Variants in NRXN3 observed in about 807,000 individuals in gnomAD.
NRXN3 encodes the protein neurexin III.
Under a neutral mutation model 137.6 loss-of-function variants are expected in NRXN3, and 32 were observed. The ratio of observed to expected loss-of-function variants is 0.23; its 90% confidence interval spans 0.18 to 0.31. NRXN3 has a LOEUF of 0.31. Ranked by LOEUF, NRXN3 falls within the 10% of genes least tolerant of loss-of-function variation. The pLI, the probability that NRXN3 is intolerant of heterozygous loss-of-function variation, is 1.00. For missense variants in NRXN3, 1,574 were observed against 2,062.5 expected (o/e 0.76, Z 4.59); for synonymous variants, 798 against 784.5 (o/e 1.02, Z -0.29).
intron 14 of NRXN3, among the ~76,000 whole-genome samples, chr14:78,986,329 A>G (rs1567904709): frequency 6.6e-6 from 1 of 152,194 alleles, no homozygotes; most frequent in Non-Finnish European, 1.5e-5. Flanking sequence ...TATACTGAAT[A>G]TTAAGATATT....
chr14:79,498,304 A>G (rs1483363520), intron 16 of NRXN3, among the ~76,000 whole-genome samples: 2 of 152,088 alleles, frequency 1.3e-5, no homozygotes, highest in African/African-American at 2.4e-5. Context: ...GGTAGATGCT[A>G]TTATCGAGGA....
rs10138318 is a variant in NRXN3 at position 79,783,860 on chromosome 14, C to T, written c.4015-21252C>T. ...CTTTCTGTGACCTTTTTGATTTTGC[C>T]TCTTTAGTAATCTCCTCACTGCCCT... is the stretch of plus-strand genomic sequence containing the variant. On this transcript the variant is annotated intron_variant, in intron 19 of 20. Coordinates refer to ENST00000335750, the MANE Select transcript of NRXN3 (RefSeq NM_001330195.2). 3.2e-3 allele frequency among the ~76,000 whole-genome samples: 482 copies of T among 152,094 alleles called. 1 individual carries two copies. The highest frequency in any genetic ancestry group is 0.011 in the African/African-American group (463 of 41,520).
intron 4 of NRXN3, among the ~76,000 whole-genome samples, chr14:78,442,594 G>C (rs2094295887): frequency 1.3e-5 from 2 of 152,214 alleles, no homozygotes; most frequent in Admixed American, 6.5e-5. Flanking sequence ...TTCTCTGAAA[G>C]GGAAGACAGG....
intron 2 of NRXN3, among the ~76,000 whole-genome samples, chr14:78,270,976 G>A (rs1476732210): frequency 6.6e-6 from 1 of 152,188 alleles, no homozygotes; most frequent in African/African-American, 2.4e-5. Flanking sequence ...TCTCAAACTT[G>A]TACCAGCAAC....
At position 78,308,103 on chromosome 14, in the gene NRXN3, T is replaced by A. The variant is rs181896357; in HGVS notation, c.757+10243T>A. 6.0e-3 allele frequency among the ~76,000 whole-genome samples: 916 copies of A among 151,964 alleles called. 10 individuals are homozygous for A. The highest frequency in any genetic ancestry group is 0.02 in the African/African-American group (811 of 41,446). On this transcript the variant is annotated intron_variant, in intron 4 of 20. Coordinates refer to ENST00000335750, the MANE Select transcript of NRXN3 (RefSeq NM_001330195.2). ...TAATAACATTTTCTTGTTTTTTTTT[T>A]ATGAATATAGAGAATTTAAAAAATT...
At chr14:78,666,042 G>C (rs1248033660) in intron 6 of NRXN3, among the ~76,000 whole-genome samples, 6 of 151,784 alleles carry the variant, frequency 4.0e-5, no homozygotes, top group Non-Finnish European at 8.8e-5. Flanking sequence ...TTCAACTTCC[G>C]AATTACTCAG....
chr14:79,679,087 G>T, intron 17 of NRXN3, among the ~76,000 whole-genome samples: 1 of 148,996 alleles, frequency 6.7e-6, no homozygotes. Flanking sequence ...TTATTATTAG[G>T]GTTGTCAGTT....
At chr14:79,635,185 C>T (rs2098394465) in intron 16 of NRXN3, among the ~76,000 whole-genome samples, 2 of 152,108 alleles carry the variant, frequency 1.3e-5, no homozygotes, top group African/African-American at 2.4e-5. Context: ...CATTGTACCC[C>T]ATAAGTATGC....
At chr14:78,651,111 T>G in intron 5 of NRXN3, 54 bp from the exon 6 acceptor site, 2 of 1,546,754 alleles carry the variant, frequency 1.3e-6, no homozygotes, top group Admixed American at 3.5e-5. Context: ...TGGGTTATGA[T>G]AGGATCGTAA....
chr14:79,509,567 A>G (rs1384432165), intron 16 of NRXN3, among the ~76,000 whole-genome samples: 1 of 151,002 alleles, frequency 6.6e-6, no homozygotes, highest in East Asian at 1.9e-4. Flanking sequence ...GCATGTATGT[A>G]TATATATATG....
chr14:78,615,704 G>C (rs959142606), intron 4 of NRXN3, among the ~76,000 whole-genome samples: 1 of 152,172 alleles, frequency 6.6e-6, no homozygotes, highest in Non-Finnish European at 1.5e-5. Context: ...GGAGGCCAAA[G>C]TGGGAGGATT....
chr14:78,242,970 C>T lies in NRXN3; in HGVS notation c.-124C>T. 3 of 665,408 alleles carry T rather than the reference C, an allele frequency of 4.5e-6. No homozygotes were observed. The highest frequency in any genetic ancestry group is 3.9e-5 in the South Asian group (2 of 51,618). 41.2% of individuals were successfully genotyped at this position (665,408 alleles called of 1,614,324 possible). On this transcript the variant is annotated 5_prime_UTR_variant, in exon 2 of 21. Coordinates refer to ENST00000335750, the MANE Select transcript of NRXN3 (RefSeq NM_001330195.2). ...GGATCTGTGTGTGTGCTGCCTTCCT[C>T]CTGTGTGCTTTCTGTCCCCCCATCT...
chr14:78,476,172 TAAGAC>T, intron 4 of NRXN3, among the ~76,000 whole-genome samples: 1 of 152,328 alleles, frequency 6.6e-6, no homozygotes, highest in South Asian at 2.1e-4. Context: ...GATACAGTGA[TAAGAC>T]AAGTTTTGTA....
chr14:78,445,328 G>T (rs1054079750), intron 4 of NRXN3, among the ~76,000 whole-genome samples: 3 of 152,214 alleles, frequency 2.0e-5, no homozygotes, highest in African/African-American at 7.2e-5. Flanking sequence ...CGGAACTCAG[G>T]TTGTAAAATA....
Position 79,861,659 on chromosome 14 carries a change from A to G in NRXN3, c.4411A>G (p.Thr1471Ala), listed in dbSNP as rs2099414037. The G allele has an allele frequency of 1.2e-6, 2 of 1,614,160 alleles. No individual in the cohort carries two copies. The highest frequency in any genetic ancestry group is 8.5e-7 in the Non-Finnish European group (1 of 1,180,032). Residue 1471 changes from threonine to alanine, a missense_variant, in exon 21 of 21, where the codon ACA (threonine) becomes GCA (alanine). This residue lies in a region of NRXN3 where 320 missense variants were observed against 387.1 expected (regional missense o/e 0.83). Coordinates refer to ENST00000335750, the MANE Select transcript of NRXN3 (RefSeq NM_001330195.2). This position sits in a 1 kb window ranked among gnomAD's most constrained non-coding sequence, Gnocchi z 5.4. ...ITSPMFRNVPTANPTEPGIRR... is the reference protein window; with the variant it reads ...ITSPMFRNVPAANPTEPGIRR... ...TTCCCCCATGTTCCGTAATGTGCCC[A>G]CAGCAAACCCCACGGAGCCGGGAAT... is the stretch of plus-strand genomic sequence containing the variant.
chr14:79,546,666 A>G lies in NRXN3; in HGVS notation c.3444+79264A>G, dbSNP rs567102619. Among the ~76,000 whole-genome samples, 114 of 152,302 alleles carry G rather than the reference A, an allele frequency of 7.5e-4. 1 individual carries two copies. The highest frequency in any genetic ancestry group is 2.7e-3 in the African/African-American group (113 of 41,576). ...ATTAAGAAAATGAATCCTTACTGTC[A>G]ATATGAGTCTCCCAACTGCTAGCGC... On this transcript the variant is annotated intron_variant, in intron 16 of 20. Transcript: ENST00000335750.
At chr14:78,882,713 A>G (rs2099132644) in intron 10 of NRXN3, among the ~76,000 whole-genome samples, 1 of 151,498 alleles carries the variant, frequency 6.6e-6, no homozygotes, top group Admixed American at 6.6e-5. Context: ...CTCGGATGAG[A>G]CTTTGGACTT....
intron 16 of NRXN3, among the ~76,000 whole-genome samples, chr14:79,474,652 G>T (rs1332034099): frequency 1.3e-5 from 2 of 152,096 alleles, no homozygotes; most frequent in African/African-American, 4.8e-5. Context: ...GTTACAAGAT[G>T]ATAATGCATT....
In NRXN3 at chr14:79,139,373, C is replaced by A. The variant is rs558741103; in HGVS notation, c.3262+151232C>A. The stretch of plus-strand genomic sequence containing the variant: ...GTATCTAGGCCTGCATATATGCATG[C>A]ATGTTGTTACTTGATATATTCGGTT... On this transcript the variant is annotated intron_variant, in intron 15 of 20. Transcript: ENST00000335750. 1.2e-4 allele frequency among the ~76,000 whole-genome samples: 18 copies of A among 152,282 alleles called. No individual in the cohort carries two copies. The East Asian group carries it at 2.5e-3, about 21-fold the overall frequency.
Sources: allele counts gnomAD v4.1 joint callset (sites outside exome capture counted in the v4.1 genomes callset), GRCh38; gene constraint gnomAD v4.1.1; regional missense constraint gnomAD v4.1.1; non-coding constraint Gnocchi (gnomAD v3.1); transcripts MANE v1.5; gene names NCBI Gene and HGNC (gene_info 2026-07-23, HGNC 2026-07-21).